The following PRMT9 variants were observed in gnomAD, a reference collection of about 807,000 sequenced individuals.
PRMT9 encodes protein arginine N-methyltransferase 9.
A neutral mutation model predicts 83.2 loss-of-function variants in PRMT9; 59 were observed. The ratio of observed to expected loss-of-function variants is 0.71; its 90% confidence interval spans 0.57 to 0.88. The LOEUF (loss-of-function observed/expected upper bound fraction) is 0.88, where lower values mean the gene tolerates loss of function less well. PRMT9 is among the 40% of genes least tolerant of loss of function. PRMT9 has a pLI of 0.00. For missense variants in PRMT9, 947 were observed against 1,021.9 expected (o/e 0.93, Z 1.00); for synonymous variants, 333 against 353.2 (o/e 0.94, Z 0.64).
intron 1 of PRMT9, among the ~76,000 whole-genome samples, chr4:147,681,673 G>C (rs1469763807): frequency 6.6e-6 from 1 of 152,014 alleles, no homozygotes; most frequent in African/African-American, 2.4e-5. Context: ...TATAATCCCT[G>C]CTACTCAGGA....
intron 6 of PRMT9, 52 bp downstream of exon 6, chr4:147,668,487 C>T (rs1735495519): frequency 9.3e-7 from 1 of 1,073,958 alleles, no homozygotes; most frequent in Admixed American, 1.7e-5. Context: ...TATAAATTAC[C>T]CAATCTTGGG....
chr4:147,639,092 G>A lies in PRMT9; in HGVS notation c.2200-10C>T, dbSNP rs1733209297. On this transcript the variant is annotated splice_polypyrimidine_tract_variant and intron_variant, in intron 10 of 11. Coordinates refer to ENST00000322396, the MANE Select transcript of PRMT9 (RefSeq NM_138364.4). ...ATACACGTATAGGTACCTAGAGAAA[G>A]TATAAATTTTTCACTTTCACTTTTT... is the stretch of plus-strand genomic sequence containing the variant. 4 of 1,612,878 alleles carry A rather than the reference G, an allele frequency of 2.5e-6. No individual in the cohort carries two copies. The highest frequency in any genetic ancestry group is 3.4e-6 in the Non-Finnish European group (4 of 1,179,278).
Position 147,638,401 on chromosome 4 carries a change from T to C in PRMT9, c.*131A>G, listed in dbSNP as rs1208871528. 3 of 692,782 alleles carry C rather than the reference T, an allele frequency of 4.3e-6. No individual in the cohort carries two copies. In the African/African-American group the frequency reaches 5.4e-5, roughly 12 times the overall value. The allele number at this position is 692,782 out of a possible 1,614,324, so 42.9% of individuals were successfully genotyped here. A position where few individuals can be genotyped will look rare whatever the true frequency, so the allele number is the denominator to read the frequency against. On this transcript the variant is annotated 3_prime_UTR_variant, in exon 12 of 12. Coordinates refer to ENST00000322396, the MANE Select transcript of PRMT9 (RefSeq NM_138364.4). ...CTTTTATTTAGAATCTTTTAAAATATGCTTTATTAATGTCAATTTTAAAAA... is the reference window on the plus strand; with the variant it reads ...CTTTTATTTAGAATCTTTTAAAATACGCTTTATTAATGTCAATTTTAAAAA...
At chr4:147,643,508 C>T (rs1400152270) in intron 9 of PRMT9, among the ~76,000 whole-genome samples, 4 of 152,140 alleles carry the variant, frequency 2.6e-5, no homozygotes, top group Non-Finnish European at 5.9e-5. Flanking sequence ...AATGGACACA[C>T]GTCTTTAGAT....
chr4:147,665,134 A>AC (rs1423874140), intron 6 of PRMT9, among the ~76,000 whole-genome samples: 1 of 151,442 alleles, frequency 6.6e-6, no homozygotes, highest in East Asian at 1.9e-4. Flanking sequence ...CAAAAAAAAA[A>AC]AAAAAAAAAG....
At chr4:147,661,831 G>A (rs1313242623) in intron 6 of PRMT9, among the ~76,000 whole-genome samples, 6 of 138,944 alleles carry the variant, frequency 4.3e-5, no homozygotes, top group African/African-American at 1.1e-4. Flanking sequence ...TGCATACTAC[G>A]CATCTGACAG....
chr4:147,676,862 G>A (rs1736117782), intron 2 of PRMT9, among the ~76,000 whole-genome samples: 1 of 151,978 alleles, frequency 6.6e-6, no homozygotes, highest in African/African-American at 2.4e-5. Flanking sequence ...TGGGCAACAT[G>A]GTGAAACCCC....
intron 6 of PRMT9, among the ~76,000 whole-genome samples, chr4:147,662,790 C>A (rs534888352): frequency 6.6e-6 from 1 of 151,630 alleles, no homozygotes; most frequent in Non-Finnish European, 1.5e-5. Flanking sequence ...CAGAGCGAGA[C>A]CCTGTCTCAA....
chr4:147,668,926 A>G (rs932230172), intron 5 of PRMT9, among the ~76,000 whole-genome samples: 1 of 152,048 alleles, frequency 6.6e-6, no homozygotes, highest in Non-Finnish European at 1.5e-5. Flanking sequence ...CTCTACTAAA[A>G]ACATAAAAAA....
intron 2 of PRMT9, among the ~76,000 whole-genome samples, chr4:147,676,163 A>G (rs1458486458): frequency 1.3e-5 from 2 of 152,198 alleles, no homozygotes; most frequent in African/African-American, 4.8e-5. Context: ...TTTTGTCTCA[A>G]TGACTGGTAA....
chr4:147,673,114 T>C lies in PRMT9; in HGVS notation c.588A>G (p.Lys196=). The C allele has an allele frequency of 6.2e-7, 1 of 1,614,000 alleles. No homozygotes were observed. The highest frequency in any genetic ancestry group is 8.5e-7 in the Non-Finnish European group (1 of 1,179,892). The change falls in exon 4 of 12, where the codon AAA becomes AAG. Residue 196 remains lysine, a synonymous_variant. Transcript: ENST00000322396. ...AGTGILSMFA[K]KAGAHSVYAC... ...CATACACGGAATGTGCTCCAGCTTTTTTAGCAAACATGCTACAAGGGAAAA... is the reference window on the plus strand; with the variant it reads ...CATACACGGAATGTGCTCCAGCTTTCTTAGCAAACATGCTACAAGGGAAAA...
intron 2 of PRMT9, 130 bp downstream of exon 2, chr4:147,680,193 G>A (rs1313052425): frequency 2.4e-6 from 2 of 845,964 alleles, no homozygotes; most frequent in Non-Finnish European, 3.9e-6. Context: ...TTATATATCT[G>A]CTATTCTTTT....
chr4:147,677,685 G>C (rs968013663), intron 2 of PRMT9, among the ~76,000 whole-genome samples: 1 of 151,860 alleles, frequency 6.6e-6, no homozygotes, highest in African/African-American at 2.4e-5. Flanking sequence ...TCGAACTCCT[G>C]ACCTCAACTG....
intron 1 of PRMT9, among the ~76,000 whole-genome samples, chr4:147,682,254 A>G (rs1736525692): frequency 6.6e-6 from 1 of 151,934 alleles, no homozygotes; most frequent in Non-Finnish European, 1.5e-5. Flanking sequence ...ATCTCGGCTC[A>G]CCACAACCTC....
chr4:147,643,078 G>A lies in PRMT9; in HGVS notation c.2046-138C>T, dbSNP rs368384406. The A allele has an allele frequency of 1.2e-4, 83 of 706,714 alleles. 3 individuals carry two copies. The highest frequency in any genetic ancestry group is 5.9e-4 in the East Asian group (21 of 35,812). The allele number at this position is 706,714 out of a possible 1,614,324, so 43.8% of individuals were successfully genotyped here. ...AGTTCAAGACCAGCCTGGGCAACAT[G>A]GCGAAACCTCATCTCTACAAAAAAT... On this transcript the variant is annotated intron_variant, in intron 9 of 11. Transcript: ENST00000322396.
chr4:147,674,291 T>C (rs1735931782), intron 2 of PRMT9, among the ~76,000 whole-genome samples: 1 of 152,196 alleles, frequency 6.6e-6, no homozygotes, highest in African/African-American at 2.4e-5. Context: ...TTGTATTTGC[T>C]GCCAGATCAG....
Position 147,683,856 on chromosome 4 carries a change from G to A in PRMT9, c.132C>T (p.Ala44=), listed in dbSNP as rs1464005492. The change falls in exon 1 of 12, where the codon GCC becomes GCT. Residue 44 remains alanine, a synonymous_variant. Transcript: ENST00000322396. Reference sequence around the variant, plus strand: ...TGAGCACGAGGAGGTAGTGGGCATAGGCAGTGCCGAAGTCCTGGACGCCCA... The same window carrying A: ...TGAGCACGAGGAGGTAGTGGGCATAAGCAGTGCCGAAGTCCTGGACGCCCA... The part of the protein sequence containing the change: ...HCLGVQDFGT[A]YAHYLLVLSL... 1 of 1,613,600 alleles carries A rather than the reference G, an allele frequency of 6.2e-7. No homozygotes were observed. Among genetic ancestry groups the A allele is most frequent in the South Asian group, 1.1e-5 (1 of 91,064 alleles).
chr4:147,666,972 T>C (rs1341923454), intron 6 of PRMT9, among the ~76,000 whole-genome samples: 2 of 152,154 alleles, frequency 1.3e-5, no homozygotes, highest in African/African-American at 2.4e-5. Context: ...AGTGAGTCAA[T>C]AATAAAGTTA....
intron 8 of PRMT9, among the ~76,000 whole-genome samples, chr4:147,657,385 C>T (rs367861669): frequency 1.3e-5 from 2 of 151,934 alleles, no homozygotes; most frequent in African/African-American, 2.4e-5. Context: ...AGTAGCCAGG[C>T]GCAGCAGCGG....
Sources: allele counts gnomAD v4.1 joint callset (sites outside exome capture counted in the v4.1 genomes callset), GRCh38; gene constraint gnomAD v4.1.1; transcripts MANE v1.5; gene names NCBI Gene and HGNC (gene_info 2026-07-23, HGNC 2026-07-21).